Variants in SDK2 observed in about 807,000 individuals in gnomAD.
SDK2 encodes sidekick cell adhesion molecule 2.
A neutral mutation model predicts 253.9 loss-of-function variants in SDK2; 105 were observed. That is an observed-to-expected ratio of 0.41 (90% confidence interval 0.35 to 0.49). The LOEUF (loss-of-function observed/expected upper bound fraction) is 0.49. Ranked by LOEUF, SDK2 falls within the 20% of genes least tolerant of loss-of-function variation. The probability of loss-of-function intolerance (pLI) is 0.06; values close to 1 mark genes in which losing one functional copy is unlikely to be tolerated. For missense variants in SDK2, 2,608 were observed against 3,003.0 expected (o/e 0.87, Z 3.07); for synonymous variants, 1,249 against 1,234.9 (o/e 1.01, Z -0.24).
At chr17:73,362,843 G>A (rs1469635840) in intron 38 of SDK2, among the ~76,000 whole-genome samples, 1 of 152,200 alleles carries the variant, frequency 6.6e-6, no homozygotes, top group Non-Finnish European at 1.5e-5. Flanking sequence ...CCTGGGAGCC[G>A]GGGTTAGTGT....
intron 12 of SDK2, among the ~76,000 whole-genome samples, chr17:73,426,037 T>G (rs183978445): frequency 6.6e-5 from 10 of 151,814 alleles, no homozygotes; most frequent in African/African-American, 2.4e-4. Flanking sequence ...GCCATCCTAT[T>G]TTTATATTTT....
chr17:73,615,977 C>T (rs2046049987), intron 1 of SDK2, among the ~76,000 whole-genome samples: 1 of 152,142 alleles, frequency 6.6e-6, no homozygotes, highest in African/African-American at 2.4e-5. Context: ...CACATGAACA[C>T]ACAACCCAAA....
chr17:73,427,642 C>CAAAAAAA (rs9302965), intron 12 of SDK2, among the ~76,000 whole-genome samples: 53 of 105,788 alleles, frequency 5.0e-4, no homozygotes, highest in Non-Finnish European at 7.4e-4. Context: ...CATCCACATG[C>CAAAAAAA]AAAAAAAAAA....
chr17:73,396,338 C>A (rs906009711), intron 24 of SDK2, among the ~76,000 whole-genome samples: 9 of 152,122 alleles, frequency 5.9e-5, no homozygotes, highest in Admixed American at 5.2e-4. Context: ...GAGCCCAGGG[C>A]CTGGCCTCCA....
chr17:73,596,021 C>A (rs1394053448), intron 1 of SDK2, among the ~76,000 whole-genome samples: 1 of 152,198 alleles, frequency 6.6e-6, no homozygotes, highest in Non-Finnish European at 1.5e-5. Context: ...GAGGCCTCGG[C>A]ACTCCCAGTC....
At chr17:73,636,349 A>G (rs2046329226) in intron 1 of SDK2, among the ~76,000 whole-genome samples, 1 of 152,060 alleles carries the variant, frequency 6.6e-6, no homozygotes, top group Non-Finnish European at 1.5e-5. Flanking sequence ...TGAGCTCGGG[A>G]TGGAAGGGAA....
chr17:73,601,108 C>T (rs1355386998), intron 1 of SDK2, among the ~76,000 whole-genome samples: 2 of 152,018 alleles, frequency 1.3e-5, no homozygotes, highest in African/African-American at 2.4e-5. Context: ...CAACCTCCGC[C>T]TCCCAGGTTC....
intron 3 of SDK2, among the ~76,000 whole-genome samples, chr17:73,470,486 T>C (rs2063641823): frequency 6.6e-6 from 1 of 152,204 alleles, no homozygotes. Flanking sequence ...AGCTTCCCCC[T>C]GCCCCCTGGA....
intron 30 of SDK2, among the ~76,000 whole-genome samples, chr17:73,387,331 A>C (rs1365203242): frequency 6.6e-6 from 1 of 152,116 alleles, no homozygotes; most frequent in Non-Finnish European, 1.5e-5. Context: ...TCATCTCTAT[A>C]AGCCTTATTT....
intron 24 of SDK2, 118 bp downstream of exon 24, chr17:73,397,917 C>T: frequency 1.7e-6 from 2 of 1,154,488 alleles, no homozygotes; most frequent in Non-Finnish European, 1.2e-6. Flanking sequence ...TCAGGCATCT[C>T]ATCAGAAAAC....
chr17:73,469,863 C>T (rs967681946), intron 3 of SDK2, among the ~76,000 whole-genome samples: 1 of 152,168 alleles, frequency 6.6e-6, no homozygotes, highest in Non-Finnish European at 1.5e-5. Context: ...CATTTCATCT[C>T]AGGGGCTCTC....
At chr17:73,343,411 TG>T (rs776107287) in intron 44 of SDK2, among the ~76,000 whole-genome samples, 1 of 151,920 alleles carries the variant, frequency 6.6e-6, no homozygotes, top group Non-Finnish European at 1.5e-5. Flanking sequence ...CTTTTCGGAG[TG>T]GGGGTAGGGC....
rs372035646 is a variant in SDK2 at position 73,481,211 on chromosome 17, C to T, written c.225-8993G>A. 2.6e-5 allele frequency among the ~76,000 whole-genome samples: 4 copies of T among 152,264 alleles called. No homozygotes were observed. Among genetic ancestry groups the T allele is most frequent in the South Asian group, 2.1e-4 (1 of 4,826 alleles). ...GTGGGGGAGGGCCCTGGACTTGTCC[C>T]CTCCCAGAGGACAGACACTGGGATA... On this transcript the variant is annotated intron_variant, in intron 2 of 44. Transcript: ENST00000392650. The surrounding 1 kb of genome is among the most constrained non-coding windows in gnomAD (Gnocchi z 4.5).
At chr17:73,598,217 T>C (rs531839276) in intron 1 of SDK2, among the ~76,000 whole-genome samples, 12 of 152,224 alleles carry the variant, frequency 7.9e-5, no homozygotes, top group African/African-American at 2.9e-4. Flanking sequence ...CATATACAGG[T>C]GACAGGAGTA....
At chr17:73,451,428 C>T (rs12940647) in intron 4 of SDK2, among the ~76,000 whole-genome samples, 48,005 of 152,154 alleles carry the variant, frequency 0.32, 7,831 homozygotes, top group South Asian at 0.37. Context: ...TGCTTGAACT[C>T]AGGAGGCAGA....
chr17:73,411,323 G>A (rs71380177), intron 18 of SDK2, among the ~76,000 whole-genome samples: 11,979 of 152,228 alleles, frequency 0.079, 565 homozygotes, highest in Middle Eastern at 0.14. Flanking sequence ...CCCCCACTTT[G>A]GAGGAAGAAC....
Position 73,447,544 on chromosome 17 carries a change from A to G in SDK2, c.613+71T>C. The G allele has an allele frequency of 6.5e-7, 1 of 1,531,236 alleles. No individual in the cohort carries two copies. Among genetic ancestry groups the G allele is most frequent in the East Asian group, 2.5e-5 (1 of 40,566 alleles). 94.9% of individuals were successfully genotyped at this position (1,531,236 alleles called of 1,614,324 possible). ...CCTCTGCCACTCCATCTTCCCAATG[A>G]TCCCCTGGAGCACCATTGCTAAGAT... On this transcript the variant is annotated intron_variant, in intron 5 of 44. Coordinates refer to ENST00000392650, the MANE Select transcript of SDK2 (RefSeq NM_001144952.2). This position sits in a 1 kb window ranked among gnomAD's most constrained non-coding sequence, Gnocchi z 4.0.
chr17:73,594,753 TAGCACATATGCACACACACAAATATAC>T (rs1246461439), intron 1 of SDK2, among the ~76,000 whole-genome samples: 1 of 151,894 alleles, frequency 6.6e-6, no homozygotes, highest in African/African-American at 2.4e-5. Context: ...CAAATACACT[TAGCACATATGCACACACACAAATATAC>T]AGCACATATC....
At chr17:73,382,115 C>G (rs1290184444) in intron 33 of SDK2, among the ~76,000 whole-genome samples, 1 of 150,662 alleles carries the variant, frequency 6.6e-6, no homozygotes, top group Non-Finnish European at 1.5e-5. Context: ...ACTCAGGAGG[C>G]CTCAGGCAGG....
Sources: allele counts gnomAD v4.1 joint callset (sites outside exome capture counted in the v4.1 genomes callset), GRCh38; gene constraint gnomAD v4.1.1; non-coding constraint Gnocchi (gnomAD v3.1); transcripts MANE v1.5; gene names NCBI Gene and HGNC (gene_info 2026-07-23, HGNC 2026-07-21).